SLC35F3: variants seen among roughly 807,000 people sequenced by gnomAD.
SLC35F3 encodes solute carrier family 35 member F3.
SLC35F3 carries 25 observed loss-of-function variants against 49.9 expected under a neutral mutation model. The observed-to-expected ratio is 0.50, with a 90% CI of 0.37 to 0.70. The LOEUF is 0.70. Ranked by LOEUF, SLC35F3 falls within the 30% of genes least tolerant of loss-of-function variation. The pLI, the probability that SLC35F3 is intolerant of heterozygous loss-of-function variation, is 0.00. For missense variants in SLC35F3, 525 were observed against 639.8 expected (o/e 0.82, Z 1.94); for synonymous variants, 275 against 265.4 (o/e 1.04, Z -0.35).
At chr1:234,275,317 T>C (rs12037538) in intron 3 of SLC35F3, among the ~76,000 whole-genome samples, 9,095 of 151,466 alleles carry the variant, frequency 0.06, 324 homozygotes, top group African/African-American at 0.098. Context: ...TGTGGATATG[T>C]AAACATCCCA....
intron 2 of SLC35F3, among the ~76,000 whole-genome samples, chr1:234,014,149 T>G (rs1427524629): frequency 6.6e-6 from 1 of 152,202 alleles, no homozygotes; most frequent in African/African-American, 2.4e-5. Context: ...TGTAATCAAG[T>G]GGGATTTATT....
At chr1:234,289,676 G>A (rs1054182980) in intron 3 of SLC35F3, among the ~76,000 whole-genome samples, 1 of 152,214 alleles carries the variant, frequency 6.6e-6, no homozygotes, top group Non-Finnish European at 1.5e-5. Flanking sequence ...AAAACTGTGA[G>A]CTAAGAAATT....
At chr1:234,049,238 A>G (rs1474713821) in intron 2 of SLC35F3, among the ~76,000 whole-genome samples, 1 of 152,170 alleles carries the variant, frequency 6.6e-6, no homozygotes, top group Admixed American at 6.5e-5. Flanking sequence ...CCCAATACAT[A>G]TGTAAATAAT....
chr1:233,965,898 C>A (rs78382676), intron 2 of SLC35F3, among the ~76,000 whole-genome samples: 1 of 152,146 alleles, frequency 6.6e-6, no homozygotes, highest in Non-Finnish European at 1.5e-5. Context: ...ATCTATTTAA[C>A]CTGGGATTGA....
intron 4 of SLC35F3, 107 bp from the exon 5 acceptor site, chr1:234,316,495 C>G: frequency 7.2e-7 from 1 of 1,387,408 alleles, no homozygotes; most frequent in Non-Finnish European, 9.7e-7. Flanking sequence ...CACCACTTTC[C>G]CCTCACGTGG....
In SLC35F3 at chr1:234,309,333, T is replaced by C; in HGVS notation, c.828+13T>C. 1 of 1,611,942 alleles carries C rather than the reference T, an allele frequency of 6.2e-7. No homozygotes were observed. The highest frequency in any genetic ancestry group is 8.5e-7 in the Non-Finnish European group (1 of 1,178,266). On this transcript the variant is annotated intron_variant, in intron 4 of 7. Coordinates refer to ENST00000366618, the MANE Select transcript of SLC35F3 (RefSeq NM_173508.4). ...CATGGGAGTGAGGGTAAGTTCCTTA[T>C]TATCTGTCTTCCTCCCTCACTCAGT...
chr1:234,237,896 G>C (rs1051788964), intron 3 of SLC35F3, among the ~76,000 whole-genome samples: 1 of 152,036 alleles, frequency 6.6e-6, no homozygotes, highest in Non-Finnish European at 1.5e-5. Flanking sequence ...TAGAGATGAG[G>C]TTTCGCCATG....
At chr1:234,247,496 T>C (rs1363687703) in intron 3 of SLC35F3, among the ~76,000 whole-genome samples, 1 of 152,012 alleles carries the variant, frequency 6.6e-6, no homozygotes, top group African/African-American at 2.4e-5. Flanking sequence ...GCTTGGCTGG[T>C]CCATTGTTCA....
intron 2 of SLC35F3, among the ~76,000 whole-genome samples, chr1:234,221,286 CT>C (rs1196670384): frequency 4.6e-5 from 7 of 152,162 alleles, no homozygotes; most frequent in Non-Finnish European, 1.0e-4. Flanking sequence ...AGGGAGATAA[CT>C]TTTGAGAGAG....
chr1:233,941,071 G>A (rs35767730), intron 2 of SLC35F3, among the ~76,000 whole-genome samples: 1,692 of 152,238 alleles, frequency 0.011, 10 homozygotes, highest in Non-Finnish European at 0.019. Flanking sequence ...TGCATTTAGT[G>A]TAGGCAGTTG....
intron 2 of SLC35F3, among the ~76,000 whole-genome samples, chr1:233,933,875 G>A (rs75007005): frequency 8.9e-4 from 136 of 152,236 alleles, no homozygotes; most frequent in African/African-American, 3.0e-3. Flanking sequence ...GGAAGCACAC[G>A]GAAGAGGAAG....
At chr1:234,011,232 G>A (rs567371553) in intron 2 of SLC35F3, among the ~76,000 whole-genome samples, 1 of 151,788 alleles carries the variant, frequency 6.6e-6, no homozygotes, top group Admixed American at 6.6e-5. Context: ...TCACGGTGGT[G>A]GATTAAATCA....
In SLC35F3 at chr1:234,034,530, T is replaced by C. The variant is rs535164947; in HGVS notation, c.283+128772T>C. Among the ~76,000 whole-genome samples the C allele has an allele frequency of 5.1e-3, 770 of 152,324 alleles. 2 individuals carry two copies. Among genetic ancestry groups the C allele is most frequent in the Non-Finnish European group, 9.2e-3 (627 of 68,022 alleles). On this transcript the variant is annotated intron_variant, in intron 2 of 7. Coordinates refer to ENST00000366618, the MANE Select transcript of SLC35F3 (RefSeq NM_173508.4). ...TTATTTATTCATTCATTCATTCATT[T>C]ATTTTTTGAGACAGAGTCAATGCTG...
At chr1:233,982,812 A>T (rs1280762257) in intron 2 of SLC35F3, among the ~76,000 whole-genome samples, 1 of 152,128 alleles carries the variant, frequency 6.6e-6, no homozygotes, top group African/African-American at 2.4e-5. Context: ...TCTGATCGGG[A>T]GGGAGACGTT....
chr1:233,905,984 A>G (rs1385467932), intron 2 of SLC35F3, among the ~76,000 whole-genome samples: 1 of 151,974 alleles, frequency 6.6e-6, no homozygotes, highest in Non-Finnish European at 1.5e-5. Context: ...TCTCCCACAC[A>G]CAGGATCTCT....
At chr1:233,911,439 G>A (rs1323621707) in intron 2 of SLC35F3, among the ~76,000 whole-genome samples, 1 of 152,194 alleles carries the variant, frequency 6.6e-6, no homozygotes, top group Non-Finnish European at 1.5e-5. Flanking sequence ...GTGGTGAGTT[G>A]AGCATTAGAG....
At chr1:233,953,804 G>T (rs923045818) in intron 2 of SLC35F3, among the ~76,000 whole-genome samples, 1 of 152,136 alleles carries the variant, frequency 6.6e-6, no homozygotes, top group Non-Finnish European at 1.5e-5. Context: ...AAAAAGACCT[G>T]GGTAAGTCAA....
rs1664291979 is a variant in SLC35F3 at position 234,046,358 on chromosome 1, G to A, written c.283+140600G>A. 6.6e-6 allele frequency among the ~76,000 whole-genome samples: 1 copy of A among 152,084 alleles called. No individual in the cohort carries two copies. The highest frequency in any genetic ancestry group is 1.5e-5 in the Non-Finnish European group (1 of 67,988). ...TGGTATCTTTTTATGGTTTTATTGA[G>A]TAATTTTCTGCTTTCTAGTGAGGGT... On this transcript the variant is annotated intron_variant, in intron 2 of 7. Coordinates refer to ENST00000366618, the MANE Select transcript of SLC35F3 (RefSeq NM_173508.4). This position sits in a 1 kb window ranked among gnomAD's most constrained non-coding sequence, Gnocchi z 4.4.
At chr1:234,032,597 A>T (rs1159792967) in intron 2 of SLC35F3, among the ~76,000 whole-genome samples, 2 of 152,222 alleles carry the variant, frequency 1.3e-5, no homozygotes, top group African/African-American at 2.4e-5. Context: ...TACAAGTGAG[A>T]ATATACAATG....
Sources: gnomAD v4.1 joint callset for allele counts (sites outside exome capture counted in the v4.1 genomes callset) on GRCh38, gnomAD v4.1.1 for gene constraint, Gnocchi (gnomAD v3.1) non-coding constraint, MANE v1.5 for transcripts, NCBI Gene and HGNC (gene_info 2026-07-23, HGNC 2026-07-21) for gene names.